Variants in STARD13 observed in about 807,000 individuals in gnomAD.
STARD13 encodes StAR related lipid transfer domain containing 13.
Under a neutral mutation model 106.4 loss-of-function variants are expected in STARD13, and 62 were observed. The observed-to-expected ratio is 0.58, with a 90% confidence interval of 0.48 to 0.72. The LOEUF (loss-of-function observed/expected upper bound fraction) is 0.72. Among genes scored for constraint, STARD13 ranks in the 30% least tolerant of loss-of-function variants. STARD13 has a pLI of 0.00. For missense variants in STARD13, 1,387 were observed against 1,424.0 expected (o/e 0.97, Z 0.42); for synonymous variants, 565 against 553.0 (o/e 1.02, Z -0.31).
rs188787653 is a variant in STARD13, at chr13:33,307,694, T to C, written c.124+42596A>G. On this transcript the variant is annotated intron_variant, in intron 1 of 5. Transcript: ENST00000567873. ...AGGGAAGGGAGAACATCAGGATAAA[T>C]AGCTAATGCATGTGGGGCTTAATAC... 1.6e-3 allele frequency among the ~76,000 whole-genome samples: 239 copies of C among 152,196 alleles called. 1 individual carries two copies. The highest frequency in any genetic ancestry group is 4.0e-3 in the African/African-American group (168 of 41,530).
the STARD13 span, among the ~76,000 whole-genome samples, chr13:33,588,920 T>C: frequency 6.6e-6 from 1 of 152,184 alleles, no homozygotes; most frequent in African/African-American, 2.4e-5. Flanking sequence ...CAAGTGCTGG[T>C]GATTTCAGCA....
At chr13:33,402,787 G>A in the STARD13 span, among the ~76,000 whole-genome samples, 1 of 152,246 alleles carries the variant, frequency 6.6e-6, no homozygotes, top group Non-Finnish European at 1.5e-5. Flanking sequence ...GGCTGGGGGT[G>A]GCCGGAGGGC....
intron 1 of STARD13, among the ~76,000 whole-genome samples, chr13:33,168,448 G>T (rs1276547311): frequency 6.6e-6 from 1 of 152,098 alleles, no homozygotes; most frequent in Non-Finnish European, 1.5e-5. Flanking sequence ...TGTGAACCAG[G>T]TCACTTTTTG....
At chr13:33,148,480 C>T (rs1009088445) in intron 3 of STARD13, among the ~76,000 whole-genome samples, 1 of 152,190 alleles carries the variant, frequency 6.6e-6, no homozygotes, top group Non-Finnish European at 1.5e-5. Flanking sequence ...TAAAAAGGCA[C>T]TCAACATCAC....
chr13:33,221,029 G>C (rs889952919), intron 1 of STARD13, among the ~76,000 whole-genome samples: 5 of 152,128 alleles, frequency 3.3e-5, no homozygotes, highest in African/African-American at 1.2e-4. Flanking sequence ...AGCCCTGGAA[G>C]AGTATTCAGT....
At chr13:33,164,343 C>T (rs568242131) in intron 3 of STARD13, 10 of 152,250 alleles carry the variant, frequency 6.6e-5, no homozygotes, top group East Asian at 1.9e-4. Context: ...GTGCGTTGAT[C>T]GCTCCTGTCT....
upstream of STARD13, among the ~76,000 whole-genome samples, chr13:33,352,351 A>T (rs1338058313): frequency 6.6e-6 from 1 of 152,232 alleles, no homozygotes; most frequent in Non-Finnish European, 1.5e-5. Context: ...AAAGCTGTAT[A>T]CTTGACTTTT....
At chr13:33,675,424 G>A in the STARD13 span, among the ~76,000 whole-genome samples, 1 of 152,168 alleles carries the variant, frequency 6.6e-6, no homozygotes, top group Non-Finnish European at 1.5e-5. Context: ...CTCCACTACT[G>A]CTGCACCCTC....
intron 1 of STARD13, among the ~76,000 whole-genome samples, chr13:33,256,208 G>A (rs1391841563): frequency 6.6e-6 from 1 of 152,192 alleles, no homozygotes; most frequent in Non-Finnish European, 1.5e-5. Flanking sequence ...ACTCTGATGT[G>A]CAGATTTTTA....
the STARD13 span, among the ~76,000 whole-genome samples, chr13:33,490,779 C>T: frequency 6.6e-6 from 1 of 152,234 alleles, no homozygotes; most frequent in East Asian, 1.9e-4. Flanking sequence ...GCCCTCTGCC[C>T]TTGCGAAAAG....
At chr13:33,635,555 GA>G in the STARD13 span, among the ~76,000 whole-genome samples, 2 of 152,012 alleles carry the variant, frequency 1.3e-5, no homozygotes, top group Non-Finnish European at 2.9e-5. Flanking sequence ...AGCTACTCGG[GA>G]GGCTGAGGCA....
the STARD13 span, among the ~76,000 whole-genome samples, chr13:33,669,527 G>GTTT: frequency 7.7e-6 from 1 of 130,496 alleles, no homozygotes; most frequent in African/African-American, 3.2e-5. Flanking sequence ...AGAAGAGGAT[G>GTTT]TTCTTTTTTT....
chr13:33,364,905 G>A, the STARD13 span, among the ~76,000 whole-genome samples: 6 of 152,144 alleles, frequency 3.9e-5, no homozygotes, highest in Non-Finnish European at 5.9e-5. Flanking sequence ...AAAGAAACAG[G>A]AGAAAAACTA....
At chr13:33,323,515 A>C (rs1262917459) in intron 1 of STARD13, among the ~76,000 whole-genome samples, 1 of 152,140 alleles carries the variant, frequency 6.6e-6, no homozygotes, top group Non-Finnish European at 1.5e-5. Context: ...AAGTTTTATG[A>C]GAGTTGTTTT....
intron 12 of STARD13, 65 bp from the exon 13 acceptor site, chr13:33,106,999 G>C: frequency 1.4e-6 from 2 of 1,470,666 alleles, no homozygotes; most frequent in Non-Finnish European, 1.8e-6. Flanking sequence ...TGAACACAGA[G>C]CTAAGGTTTG....
rs1878142519 is a variant in STARD13 at position 33,130,561 on chromosome 13, T to A, written c.388-272A>T. Among the ~76,000 whole-genome samples the A allele has an allele frequency of 6.6e-6, 1 of 152,308 alleles. No individual in the cohort carries two copies. Among genetic ancestry groups the A allele is most frequent in the African/African-American group, 2.4e-5 (1 of 41,566 alleles). The stretch of plus-strand genomic sequence containing the variant: ...AAGAGGTTTTGAATGCCTCCTTCCT[T>A]CCTCTCTAAGAAGTTTTCCCTGACT... On this transcript the variant is annotated intron_variant, in intron 4 of 13. Transcript: ENST00000336934. This position sits in a 1 kb window ranked among gnomAD's most constrained non-coding sequence, Gnocchi z 4.1.
At chr13:33,308,715 C>T (rs955297908) in intron 1 of STARD13, among the ~76,000 whole-genome samples, 3 of 151,824 alleles carry the variant, frequency 2.0e-5, no homozygotes, top group Admixed American at 6.6e-5. Context: ...GTAGAGACAA[C>T]GTTTCACCAT....
At chr13:33,176,156 A>G (rs1013230) in intron 1 of STARD13, among the ~76,000 whole-genome samples, 36,556 of 152,140 alleles carry the variant, frequency 0.24, 6,538 homozygotes, top group African/African-American at 0.5. Context: ...TCATATCTGG[A>G]TCAATCAAAA....
intron 1 of STARD13, among the ~76,000 whole-genome samples, chr13:33,175,790 T>C (rs1884453289): frequency 6.6e-6 from 1 of 152,236 alleles, no homozygotes; most frequent in Non-Finnish European, 1.5e-5. Context: ...GATTTTTCTT[T>C]TTTAAATGTT....
Sources: gnomAD v4.1 joint callset for allele counts (sites outside exome capture counted in the v4.1 genomes callset) on GRCh38, gnomAD v4.1.1 for gene constraint, Gnocchi (gnomAD v3.1) non-coding constraint, MANE v1.5 for transcripts, NCBI Gene and HGNC (gene_info 2026-07-23, HGNC 2026-07-21) for gene names.